Variants in HPSE2 observed in about 807,000 individuals in gnomAD.
HPSE2 encodes the protein inactive heparanase-2.
In HPSE2, 38 loss-of-function variants were observed where a neutral mutation model predicts 60.5. The ratio of observed to expected loss-of-function variants is 0.63; its 90% CI spans 0.48 to 0.82. The LOEUF is 0.82. Among genes scored for constraint, HPSE2 ranks in the 40% least tolerant of loss-of-function variants. The pLI is 0.00. For missense variants in HPSE2, 713 were observed against 740.4 expected (o/e 0.96, Z 0.43); for synonymous variants, 295 against 293.2 (o/e 1.01, Z -0.06).
At chr10:98,483,583 G>C (rs1408634741) in intron 10 of HPSE2, among the ~76,000 whole-genome samples, 1 of 152,172 alleles carries the variant, frequency 6.6e-6, no homozygotes, top group East Asian at 1.9e-4. Context: ...ACCTCCCTGT[G>C]GGAAGATTTT....
At chr10:99,208,732 T>TA (rs1216107195) in intron 2 of HPSE2, among the ~76,000 whole-genome samples, 2 of 151,606 alleles carry the variant, frequency 1.3e-5, no homozygotes, top group Admixed American at 6.6e-5. Context: ...TGAATGGATT[T>TA]AAAAAAATAC....
At chr10:99,233,555 C>T (rs898821915) in intron 1 of HPSE2, among the ~76,000 whole-genome samples, 1 of 152,188 alleles carries the variant, frequency 6.6e-6, no homozygotes, top group African/African-American at 2.4e-5. Flanking sequence ...AGGGGATCAG[C>T]TGTTGAGTTC....
At chr10:98,831,654 G>A (rs961315492) in intron 3 of HPSE2, among the ~76,000 whole-genome samples, 5 of 152,214 alleles carry the variant, frequency 3.3e-5, no homozygotes, top group Admixed American at 6.5e-5. Flanking sequence ...TCAAATTTTA[G>A]TGTGCATGGA....
At chr10:98,485,125 T>A (rs749764332) in intron 10 of HPSE2, among the ~76,000 whole-genome samples, 25 of 152,200 alleles carry the variant, frequency 1.6e-4, no homozygotes, top group Non-Finnish European at 3.1e-4. Context: ...CATGGAGTTT[T>A]TTATTTTTGT....
At chr10:99,226,119 G>A (rs1849463760) in intron 2 of HPSE2, among the ~76,000 whole-genome samples, 1 of 151,918 alleles carries the variant, frequency 6.6e-6, no homozygotes, top group African/African-American at 2.4e-5. Context: ...TATGTAGCCA[G>A]GGTGGTCTCC....
chr10:99,037,994 CT>C (rs1356373503), intron 3 of HPSE2, among the ~76,000 whole-genome samples: 1 of 152,086 alleles, frequency 6.6e-6, no homozygotes, highest in Non-Finnish European at 1.5e-5. Flanking sequence ...GATGATATCA[CT>C]ACATATCTAT....
At chr10:99,091,716 T>C (rs929510943) in intron 3 of HPSE2, among the ~76,000 whole-genome samples, 4 of 152,196 alleles carry the variant, frequency 2.6e-5, no homozygotes, top group African/African-American at 9.6e-5. Flanking sequence ...GCTTTTAATT[T>C]ACTCTTTTAT....
intron 6 of HPSE2, among the ~76,000 whole-genome samples, chr10:98,650,290 A>G (rs1048025987): frequency 1.3e-5 from 2 of 152,248 alleles, no homozygotes; most frequent in African/African-American, 4.8e-5. Flanking sequence ...CCCAAGGTAC[A>G]TCAGCATTGG....
chr10:98,966,013 C>T (rs1955805596), intron 3 of HPSE2, among the ~76,000 whole-genome samples: 1 of 152,108 alleles, frequency 6.6e-6, no homozygotes, highest in Non-Finnish European at 1.5e-5. Context: ...GCCTCAGCCT[C>T]CTGAGTAGCT....
the HPSE2 span, among the ~76,000 whole-genome samples, chr10:99,250,575 C>A: frequency 6.6e-6 from 1 of 152,164 alleles, no homozygotes; most frequent in Admixed American, 6.5e-5. Flanking sequence ...GCACACATAA[C>A]ATACTGCAAG....
intron 3 of HPSE2, among the ~76,000 whole-genome samples, chr10:98,782,689 A>G (rs2134457591): frequency 1.0e-5 from 1 of 95,906 alleles, no homozygotes; most frequent in South Asian, 4.0e-4. Flanking sequence ...CATATTGGCC[A>G]GTGGAATAGA....
intron 3 of HPSE2, among the ~76,000 whole-genome samples, chr10:99,115,157 T>TG (rs1379542865): frequency 6.8e-6 from 1 of 146,120 alleles, no homozygotes; most frequent in Non-Finnish European, 1.5e-5. Flanking sequence ...CTAAATGTGT[T>TG]TTTTTTTTTT....
At chr10:98,703,947 T>C (rs1046838829) in intron 5 of HPSE2, among the ~76,000 whole-genome samples, 2 of 151,690 alleles carry the variant, frequency 1.3e-5, no homozygotes, top group African/African-American at 4.8e-5. Context: ...AAATAAAGAG[T>C]ATTCAAATAG....
At chr10:98,985,604 T>A (rs1399307986) in intron 3 of HPSE2, among the ~76,000 whole-genome samples, 3 of 152,132 alleles carry the variant, frequency 2.0e-5, no homozygotes, top group African/African-American at 7.2e-5. Flanking sequence ...AATAACCAGC[T>A]AACATCATAA....
chr10:99,087,072 A>G (rs1333525470), intron 3 of HPSE2, among the ~76,000 whole-genome samples: 1 of 152,254 alleles, frequency 6.6e-6, no homozygotes, highest in Non-Finnish European at 1.5e-5. Context: ...TTAAAATCTT[A>G]GGGGTTAGAA....
the HPSE2 span, among the ~76,000 whole-genome samples, chr10:99,297,247 G>A: frequency 1.1e-4 from 17 of 152,124 alleles, no homozygotes; most frequent in African/African-American, 2.2e-4. Context: ...CTGGCAGCCC[G>A]GTGGGTTACC....
At chr10:99,266,065 C>G in the HPSE2 span, among the ~76,000 whole-genome samples, 2 of 152,212 alleles carry the variant, frequency 1.3e-5, no homozygotes, top group East Asian at 1.9e-4. Context: ...GAAAAGACCA[C>G]AGGGAGAAGG....
At chr10:98,696,317 A>C (rs1948215817) in intron 5 of HPSE2, among the ~76,000 whole-genome samples, 1 of 150,938 alleles carries the variant, frequency 6.6e-6, no homozygotes, top group Non-Finnish European at 1.5e-5. Context: ...AAAAAAAAAA[A>C]ACCATAATAG....
intron 6 of HPSE2, among the ~76,000 whole-genome samples, chr10:98,675,486 G>A (rs1199721595): frequency 6.6e-6 from 1 of 151,628 alleles, no homozygotes; most frequent in African/African-American, 2.4e-5. Context: ...CGGGAAGACT[G>A]CTTGAACCCA....
Sources: gnomAD v4.1 joint callset for allele counts (sites outside exome capture counted in the v4.1 genomes callset) on GRCh38, gnomAD v4.1.1 for gene constraint, MANE v1.5 for transcripts, NCBI Gene and HGNC (gene_info 2026-07-23, HGNC 2026-07-21) for gene names.